Variants in LHFPL3 observed in about 807,000 individuals in gnomAD.
LHFPL3 encodes the protein LHFPL tetraspan subfamily member 3.
In LHFPL3, 5 loss-of-function variants were observed where a neutral mutation model predicts 19.3. That is an observed-to-expected ratio of 0.26 (90% CI 0.14 to 0.54). The LOEUF (loss-of-function observed/expected upper bound fraction) is 0.54. Among genes scored for constraint, LHFPL3 ranks in the 20% least tolerant of loss-of-function variants. LHFPL3 has a pLI of 0.94. For synonymous variants in LHFPL3, 133 were observed against 126.2 expected (o/e 1.05, Z -0.36); for missense variants, 249 against 307.4 (o/e 0.81, Z 1.42).
In LHFPL3 at chr7:104,740,048, C is replaced by T. The variant is rs74491605; in HGVS notation, c.682+3137C>T. On this transcript the variant is annotated intron_variant, in intron 2 of 2. Transcript: ENST00000424859. ...CTCCCCCATGCTGTTCTCATGATAG[C>T]GAGTAATTTTCATGAGATCCGATGG... 4.6e-3 allele frequency among the ~76,000 whole-genome samples: 695 copies of T among 152,204 alleles called. 30 individuals carry two copies. In the East Asian group the frequency reaches 0.1, roughly 22 times the overall value.
chr7:104,860,342 A>G (rs1791596148), intron 2 of LHFPL3, among the ~76,000 whole-genome samples: 1 of 152,208 alleles, frequency 6.6e-6, no homozygotes, highest in African/African-American at 2.4e-5. Context: ...AGTTACTTCC[A>G]GCAATATATT....
At chr7:104,782,241 G>A (rs1789818241) in intron 2 of LHFPL3, among the ~76,000 whole-genome samples, 1 of 152,180 alleles carries the variant, frequency 6.6e-6, no homozygotes, top group Non-Finnish European at 1.5e-5. Flanking sequence ...GGTCTCTTCA[G>A]CAAAGTTGTC....
chr7:104,704,168 G>A (rs1202676042), intron 1 of LHFPL3, among the ~76,000 whole-genome samples: 2 of 152,104 alleles, frequency 1.3e-5, no homozygotes, highest in Non-Finnish European at 2.9e-5. Context: ...TGGCCATGGT[G>A]GAAATGATTA....
At chr7:104,681,466 T>C (rs912052214) in intron 1 of LHFPL3, among the ~76,000 whole-genome samples, 3 of 151,982 alleles carry the variant, frequency 2.0e-5, no homozygotes, top group Admixed American at 6.6e-5. Flanking sequence ...CTACTAAAAA[T>C]ACAAAATTAG....
At chr7:104,403,568 T>C (rs1234691917) in intron 1 of LHFPL3, among the ~76,000 whole-genome samples, 3 of 152,256 alleles carry the variant, frequency 2.0e-5, no homozygotes, top group Admixed American at 2.0e-4. Context: ...TTGGTCTTTG[T>C]ATACATTTGT....
intron 2 of LHFPL3, among the ~76,000 whole-genome samples, chr7:104,815,145 C>T (rs994650716): frequency 6.6e-6 from 1 of 152,198 alleles, no homozygotes; most frequent in Non-Finnish European, 1.5e-5. Context: ...ATGGCTTCCA[C>T]AGCTACAGAG....
intron 1 of LHFPL3, among the ~76,000 whole-genome samples, chr7:104,564,625 T>C (rs1278725152): frequency 6.6e-6 from 1 of 152,254 alleles, no homozygotes; most frequent in Non-Finnish European, 1.5e-5. Flanking sequence ...TTGCCCTGAA[T>C]GTCTTTCTGT....
At chr7:104,411,024 A>G (rs896531259) in intron 1 of LHFPL3, among the ~76,000 whole-genome samples, 2 of 152,200 alleles carry the variant, frequency 1.3e-5, no homozygotes. Flanking sequence ...TTTAAGCACC[A>G]TGGAATATAG....
In LHFPL3 at chr7:104,469,036, C is replaced by T. The variant is rs117794564; in HGVS notation, c.445+139812C>T. Among the ~76,000 whole-genome samples, 67 of 152,240 alleles carry T rather than the reference C, an allele frequency of 4.4e-4. No individual in the cohort carries two copies. The East Asian group carries it at 0.012, about 26-fold the overall frequency. ...GCTTTGATTCACTCAGCTCTGGTGT[C>T]GTTCATTCCATAGGAGGCTCCAATT... On this transcript the variant is annotated intron_variant, in intron 1 of 2. Transcript: ENST00000424859.
chr7:104,590,402 TTTCGA>T (rs1352434099), intron 1 of LHFPL3, among the ~76,000 whole-genome samples: 1 of 152,222 alleles, frequency 6.6e-6, no homozygotes, highest in East Asian at 1.9e-4. Flanking sequence ...GGTTGTTCAG[TTTCGA>T]TGTAGTTGAG....
At chr7:104,525,980 A>C (rs1022164745) in intron 1 of LHFPL3, among the ~76,000 whole-genome samples, 2 of 152,106 alleles carry the variant, frequency 1.3e-5, no homozygotes, top group African/African-American at 2.4e-5. Flanking sequence ...AACTGAATGA[A>C]GAAGGGCACT....
intron 2 of LHFPL3, among the ~76,000 whole-genome samples, chr7:104,765,954 C>T (rs1464059327): frequency 6.6e-6 from 1 of 152,196 alleles, no homozygotes; most frequent in Non-Finnish European, 1.5e-5. Context: ...CACTCCTGAC[C>T]ACTACTATGG....
At chr7:104,434,286 TTTAG>T (rs1464198511) in intron 1 of LHFPL3, among the ~76,000 whole-genome samples, 5 of 152,246 alleles carry the variant, frequency 3.3e-5, no homozygotes, top group Non-Finnish European at 7.3e-5. Flanking sequence ...TTATTGGCTA[TTTAG>T]AACTATGGAA....
intron 1 of LHFPL3, among the ~76,000 whole-genome samples, chr7:104,570,102 G>A (rs1364192321): frequency 6.6e-6 from 1 of 152,180 alleles, no homozygotes; most frequent in Non-Finnish European, 1.5e-5. Context: ...GACTGTTTTT[G>A]TGTTATGAAA....
chr7:104,850,372 A>T (rs1791395786), intron 2 of LHFPL3, among the ~76,000 whole-genome samples: 1 of 152,206 alleles, frequency 6.6e-6, no homozygotes, highest in Admixed American at 6.5e-5. Flanking sequence ...TTGGGGGAGA[A>T]TGGGACTGGG....
intron 1 of LHFPL3, among the ~76,000 whole-genome samples, chr7:104,686,033 C>G (rs1792798259): frequency 6.6e-6 from 1 of 152,190 alleles, no homozygotes. Context: ...GTTTCAAAAG[C>G]CTCAGCTCTG....
intron 1 of LHFPL3, chr7:104,622,882 C>A: frequency 5.2e-6 from 1 of 193,694 alleles, no homozygotes; most frequent in African/African-American, 2.4e-5. Context: ...GAGGAATTAC[C>A]AGACTGTTTT....
At chr7:104,581,330 A>C (rs1349445973) in intron 1 of LHFPL3, among the ~76,000 whole-genome samples, 1 of 152,044 alleles carries the variant, frequency 6.6e-6, no homozygotes. Context: ...TATTTTTGTG[A>C]AGTGTTTGTT....
chr7:104,375,059 C>T (rs538274943), intron 1 of LHFPL3, among the ~76,000 whole-genome samples: 1 of 152,292 alleles, frequency 6.6e-6, no homozygotes, highest in South Asian at 2.1e-4. Context: ...ATAATACAGG[C>T]CAGGCACGGT....
Sources: gnomAD v4.1 joint callset for allele counts (sites outside exome capture counted in the v4.1 genomes callset) on GRCh38, gnomAD v4.1.1 for gene constraint, MANE v1.5 for transcripts, NCBI Gene and HGNC (gene_info 2026-07-23, HGNC 2026-07-21) for gene names.